Variants in EIF2B2 observed in about 807,000 individuals in gnomAD.
EIF2B2 encodes the protein eukaryotic translation initiation factor 2B subunit beta.
Under a neutral mutation model 34.7 loss-of-function variants are expected in EIF2B2, and 34 were observed. The observed-to-expected ratio is 0.98, with a 90% CI of 0.75 to 1.31. The LOEUF is 1.31. EIF2B2 is among the 50% of genes most tolerant of loss of function. The pLI is 0.00. For missense variants in EIF2B2, 361 were observed against 447.7 expected, an observed-to-expected ratio of 0.81 and a Z score of 1.75; for synonymous variants, 155 against 171.6, an observed-to-expected ratio of 0.90 and a Z score of 0.76.
chr14:75,007,811 C>T (rs766648624), intron 7 of EIF2B2, 23 bp downstream of exon 7: 22 of 1,610,092 alleles, frequency 1.4e-5, no homozygotes, highest in East Asian at 6.7e-5. Context: ...TGTGTGCATG[C>T]GTGCATGTGT....
Position 75,010,931 on chromosome 14 carries a change from A to T in EIF2B2, c.*1743A>T, listed in dbSNP as rs1327689183. The T allele has an allele frequency of 6.6e-6, 1 of 152,266 alleles. No homozygotes were observed. The highest frequency in any genetic ancestry group is 1.5e-5 in the Non-Finnish European group (1 of 68,062). The allele number at this position is 152,266 out of a possible 1,614,324, so 9.4% of individuals were successfully genotyped here. A position where few individuals can be genotyped will look rare whatever the true frequency, so the allele number is the denominator to read the frequency against. ...TGGCTGGGCGCAATGGCTCACGCCT[A>T]TAATCCCAGCACTTTGGGAGGCTGA... On this transcript the variant is annotated 3_prime_UTR_variant, in exon 8 of 8. Coordinates refer to ENST00000266126, the MANE Select transcript of EIF2B2 (RefSeq NM_014239.4).
intron 3 of EIF2B2, 76 bp from the exon 4 acceptor site, chr14:75,004,661 A>T: frequency 6.7e-6 from 3 of 445,058 alleles, no homozygotes; most frequent in Non-Finnish European, 9.1e-6. Flanking sequence ...GTGATATAGC[A>T]ATTTCATATA....
intron 6 of EIF2B2, 66 bp from the exon 7 acceptor site, chr14:75,007,656 T>C: frequency 7.6e-7 from 1 of 1,310,590 alleles, no homozygotes; most frequent in Non-Finnish European, 1.1e-6. Flanking sequence ...TGTTTTCATC[T>C]CTAGGGTACA....
chr14:75,006,200 T>C lies in EIF2B2; in HGVS notation c.693+239T>C, dbSNP rs1889623911. ...GCATTGAAAAGAATGAAGTATTAAA[T>C]AGAACTAAGGCAAGAGTGTCAGTTT... On this transcript the variant is annotated intron_variant, in intron 5 of 7. Coordinates refer to ENST00000266126, the MANE Select transcript of EIF2B2 (RefSeq NM_014239.4). The surrounding 1 kb of genome is among the most constrained non-coding windows in gnomAD (Gnocchi z 4.1). 5.8e-6 allele frequency: 3 copies of C among 520,960 alleles called. No homozygotes were observed. The highest frequency in any genetic ancestry group is 3.8e-5 in the African/African-American group (2 of 52,186). 32.3% of individuals were successfully genotyped at this position (520,960 alleles called of 1,614,324 possible).
intron 4 of EIF2B2, 118 bp from the exon 5 acceptor site, chr14:75,005,748 G>A: frequency 1.2e-6 from 1 of 811,254 alleles, no homozygotes; most frequent in Admixed American, 1.7e-5. Flanking sequence ...TTATCTATTG[G>A]AAATTATGTG....
In EIF2B2 at chr14:75,002,969, G is replaced by T. The variant is rs781057047; in HGVS notation, c.-22G>T. 31 of 1,613,664 alleles carry T rather than the reference G, an allele frequency of 1.9e-5. No individual in the cohort carries two copies. The African/African-American group carries it at 3.3e-4, about 17-fold the overall frequency. ...GCAGGTGTGGATTCCGCCGGTGAAG[G>T]CTGAAGGCAGCTACCTTAAAGATGC... On this transcript the variant is annotated 5_prime_UTR_variant, in exon 1 of 8. Coordinates refer to ENST00000266126, the MANE Select transcript of EIF2B2 (RefSeq NM_014239.4).
At chr14:75,005,810 A>T (rs771416034) in intron 4 of EIF2B2, 56 bp from the exon 5 acceptor site, 20 of 1,304,142 alleles carry the variant, frequency 1.5e-5, no homozygotes, top group Non-Finnish European at 2.0e-5. Flanking sequence ...ATTTGAGAGC[A>T]CTTTTCACTA....
chr14:75,007,749 A>G lies in EIF2B2; in HGVS notation c.859A>G (p.Lys287Glu). 6.2e-7 allele frequency: 1 copy of G among 1,613,966 alleles called. No individual in the cohort carries two copies. The highest frequency in any genetic ancestry group is 8.5e-7 in the Non-Finnish European group (1 of 1,179,950). ...CCCCAATGAAGAAGACTCATTTCAT[A>G]AGTTTGTGGCTCCTGAAGAAGTCCT... ...QFPNEEDSFH[K>E]FVAPEEVLPF... The change falls in exon 7 of 8, where the codon AAG (lysine) becomes GAG (glutamate). Residue 287 changes from lysine to glutamate, a missense_variant. Coordinates refer to ENST00000266126, the MANE Select transcript of EIF2B2 (RefSeq NM_014239.4).
chr14:75,009,118 G>C lies in EIF2B2; in HGVS notation c.986G>C (p.Gly329Ala). Residue 329 changes from glycine to alanine, a missense_variant, in exon 8 of 8, where the codon GGT (glycine) becomes GCT (alanine). Physicochemically the swap from Gly to Ala is moderately conservative, Grantham distance 60. Transcript: ENST00000266126. ...ATTACCCTCTTTATCTCCAACATTG[G>C]TGGGAATGCACCTTCCTACATCTAC... Reference protein sequence around the residue: ...ELITLFISNIGGNAPSYIYRL... With the variant: ...ELITLFISNIAGNAPSYIYRL... 4 of 1,614,036 alleles carry C rather than the reference G, an allele frequency of 2.5e-6. No homozygotes were observed. The highest frequency in any genetic ancestry group is 3.4e-6 in the Non-Finnish European group (4 of 1,179,992).
At chr14:75,005,153 G>T (rs1295618170) in intron 4 of EIF2B2, 2 of 410,814 alleles carry the variant, frequency 4.9e-6, no homozygotes, top group Non-Finnish European at 9.3e-6. Context: ...TGGGCGGGTG[G>T]ATTACCTGAG....
In EIF2B2 at chr14:75,006,618, G is replaced by T. The variant is rs748930802; in HGVS notation, c.735G>T (p.Leu245=). 6.2e-7 allele frequency: 1 copy of T among 1,614,182 alleles called. No individual in the cohort carries two copies. The highest frequency in any genetic ancestry group is 1.1e-5 in the South Asian group (1 of 91,086). ...GTKTILANGA[L]RAVTGTHTLA... is the part of the protein sequence containing the mutation. ...AGACCATCCTGGCCAATGGGGCCCT[G>T]AGAGCTGTGACAGGAACTCACACTC... Residue 245 remains leucine (L), a synonymous_variant, in exon 6 of 8, where the codon CTG becomes CTT. Transcript: ENST00000266126. The surrounding 1 kb of genome is among the most constrained non-coding windows in gnomAD (Gnocchi z 4.1).
Position 75,003,017 on chromosome 14 carries a change from G to A in EIF2B2, c.27G>A (p.Ser9=), listed in dbSNP as rs1889561100. Residue 9 remains serine (S), a synonymous_variant, in exon 1 of 8, where the codon TCG becomes TCA. Transcript: ENST00000266126. MPGSAAKG[S]ELSERIESFV... ...TGCCGGGATCCGCAGCGAAGGGCTC[G>A]GAGTTGTCAGAGAGGATCGAGAGCT... The A allele has an allele frequency of 6.2e-7, 1 of 1,614,040 alleles. No homozygotes were observed. Among genetic ancestry groups the A allele is most frequent in the African/African-American group, 1.3e-5 (1 of 74,934 alleles).
chr14:75,006,841 C>T lies in EIF2B2; in HGVS notation c.831+127C>T. On this transcript the variant is annotated intron_variant, in intron 6 of 7. Transcript: ENST00000266126. The surrounding 1 kb of genome is among the most constrained non-coding windows in gnomAD (Gnocchi z 4.1). ...TTATCTGCATTTACTCAATGGATTA[C>T]ACCCAGTGGAGGCTGGAAAGAACCA... 5.9e-6 allele frequency: 8 copies of T among 1,359,862 alleles called. No individual in the cohort carries two copies. The highest frequency in any genetic ancestry group is 3.5e-5 in the South Asian group (3 of 85,498). The allele number at this position is 1,359,862 out of a possible 1,614,324, so 84.2% of individuals were successfully genotyped here.
chr14:75,009,412 A>C lies in EIF2B2; in HGVS notation c.*224A>C, dbSNP rs1214662990. 2 of 557,626 alleles carry C rather than the reference A, an allele frequency of 3.6e-6. No homozygotes were observed. The highest frequency in any genetic ancestry group is 3.8e-5 in the African/African-American group (2 of 52,832). 34.5% of individuals were successfully genotyped at this position (557,626 alleles called of 1,614,324 possible). On this transcript the variant is annotated 3_prime_UTR_variant, in exon 8 of 8. Transcript: ENST00000266126. Reference sequence around the variant, plus strand: ...GATCTTAACAGAGCAGCAGGGCTTAACTTGTTGATTTTGGAGCCTCTTAGT... The same window carrying C: ...GATCTTAACAGAGCAGCAGGGCTTACCTTGTTGATTTTGGAGCCTCTTAGT...
Position 75,006,807 on chromosome 14 carries a change from G to A in EIF2B2, c.831+93G>A, listed in dbSNP as rs1889632949. On this transcript the variant is annotated intron_variant, in intron 6 of 7. Transcript: ENST00000266126. This position sits in a 1 kb window ranked among gnomAD's most constrained non-coding sequence, Gnocchi z 4.1. ...TGGGACTTCAACCACCTCACTCCAGGGCCTCCATTTATCTGCATTTACTCA... is the reference window on the plus strand; with the variant it reads ...TGGGACTTCAACCACCTCACTCCAGAGCCTCCATTTATCTGCATTTACTCA... 6.4e-7 allele frequency: 1 copy of A among 1,550,678 alleles called. No homozygotes were observed. The highest frequency in any genetic ancestry group is 1.4e-5 in the African/African-American group (1 of 73,624).
Position 75,009,539 on chromosome 14 carries a change from T to C in EIF2B2, c.*351T>C, listed in dbSNP as rs1889675936. The C allele has an allele frequency of 3.1e-6, 1 of 322,346 alleles. No individual in the cohort carries two copies. Among genetic ancestry groups the C allele is most frequent in the Admixed American group, 4.4e-5 (1 of 22,506 alleles). The allele number at this position is 322,346 out of a possible 1,614,324, so 20.0% of individuals were successfully genotyped here. ...TGGGATACAGATTTTTGCTCAGAAATGGCTATGACACTTTTTCTAGGCTCT... is the reference window on the plus strand; with the variant it reads ...TGGGATACAGATTTTTGCTCAGAAACGGCTATGACACTTTTTCTAGGCTCT... On this transcript the variant is annotated 3_prime_UTR_variant, in exon 8 of 8. Transcript: ENST00000266126.
chr14:75,007,080 G>A (rs1463247796), intron 6 of EIF2B2: 8 of 474,100 alleles, frequency 1.7e-5, no homozygotes, highest in South Asian at 1.2e-4. Flanking sequence ...TTTGTAACCT[G>A]AATACAAGCA....
rs80131755 is a variant in EIF2B2 at position 75,006,901 on chromosome 14, C to T, written c.831+187C>T. 2,601 of 881,394 alleles carry T rather than the reference C, an allele frequency of 3.0e-3. 48 individuals carry two copies. In the African/African-American group the frequency reaches 0.034, roughly 11 times the overall value. 54.6% of individuals were successfully genotyped at this position (881,394 alleles called of 1,614,324 possible). On this transcript the variant is annotated intron_variant, in intron 6 of 7. Coordinates refer to ENST00000266126, the MANE Select transcript of EIF2B2 (RefSeq NM_014239.4). This position sits in a 1 kb window ranked among gnomAD's most constrained non-coding sequence, Gnocchi z 4.1. ...TGATTCAGTAAAACAGTTGAGAGTT[C>T]TCAGCTGTCAACTTTAGGAAGTCAA...
In EIF2B2 at chr14:75,006,005, T is replaced by C; in HGVS notation, c.693+44T>C. The C allele has an allele frequency of 6.7e-7, 1 of 1,492,780 alleles. No individual in the cohort carries two copies. Among genetic ancestry groups the C allele is most frequent in the Non-Finnish European group, 9.3e-7 (1 of 1,070,676 alleles). The allele number at this position is 1,492,780 out of a possible 1,614,324, so 92.5% of individuals were successfully genotyped here. ...ATGTTGAATTCATGAAGATTATGTT[T>C]CTAAAATATTGATTTTTATCTCCTC... On this transcript the variant is annotated intron_variant, in intron 5 of 7. Transcript: ENST00000266126. The surrounding 1 kb of genome is among the most constrained non-coding windows in gnomAD (Gnocchi z 4.1).
Sources: gnomAD v4.1 joint callset for allele counts on GRCh38, gnomAD v4.1.1 for gene constraint, Gnocchi (gnomAD v3.1) non-coding constraint, MANE v1.5 for transcripts, NCBI Gene and HGNC (gene_info 2026-07-23, HGNC 2026-07-21) for gene names.